TSKS: variants seen among roughly 807,000 people sequenced by gnomAD.
TSKS encodes testis specific serine kinase substrate, also known as testis-specific serine kinase substrate.
In TSKS, 27 loss-of-function variants were observed where a neutral mutation model predicts 68.0. The observed-to-expected ratio is 0.40, with a 90% confidence interval of 0.29 to 0.55. The LOEUF (loss-of-function observed/expected upper bound fraction) is 0.55, where lower values mean the gene tolerates loss of function less well. TSKS is among the 20% of genes least tolerant of loss of function. The pLI is 0.53. For synonymous variants in TSKS, 331 were observed against 340.4 expected, an observed-to-expected ratio of 0.97 and a Z score of 0.30; for missense variants, 806 against 776.0, an observed-to-expected ratio of 1.04 and a Z score of -0.46.
chr19:49,750,262 CTTTTTTT>C (rs34913477), intron 2 of TSKS, among the ~76,000 whole-genome samples: 1 of 136,222 alleles, frequency 7.3e-6, no homozygotes, highest in Non-Finnish European at 1.6e-5. Context: ...CATTGACATT[CTTTTTTT>C]TTTTTTTTTT....
At chr19:49,747,573 C>T in intron 4 of TSKS, 101 bp from the exon 5 acceptor site, 1 of 1,183,974 alleles carries the variant, frequency 8.4e-7, no homozygotes, top group Non-Finnish European at 1.2e-6. Context: ...CCTCCTAGCC[C>T]CCCAGTACAA....
rs745313484 is a variant in TSKS at position 49,763,224 on chromosome 19, C to G, written c.24G>C (p.Thr8=). MASVVVK[T]IWQSKEIHEA... ...CATGGATCTCTTTGGACTGCCAGAT[C>G]GTCTTCACCACCACGCTCGCCATGG... The change falls in exon 1 of 11, where the codon ACG becomes ACC. Residue 8 remains threonine, a synonymous_variant. Coordinates refer to ENST00000246801, the MANE Select transcript of TSKS (RefSeq NM_021733.2). The surrounding 1 kb of genome is among the most constrained non-coding windows in gnomAD (Gnocchi z 4.5). 6.6e-7 allele frequency: 1 copy of G among 1,519,270 alleles called. No homozygotes were observed. The highest frequency in any genetic ancestry group is 8.8e-7 in the Non-Finnish European group (1 of 1,134,746). The allele number at this position is 1,519,270 out of a possible 1,614,324, so 94.1% of individuals were successfully genotyped here. A position where few individuals can be genotyped will look rare whatever the true frequency, so the allele number is the denominator to read the frequency against.
chr19:49,748,538 C>A, intron 2 of TSKS, 69 bp from the exon 3 acceptor site: 1 of 1,468,552 alleles, frequency 6.8e-7, no homozygotes, highest in African/African-American at 1.4e-5. Flanking sequence ...AGGAAGAATT[C>A]CAGAACTGGG....
chr19:49,743,659 A>G (rs915720897), intron 8 of TSKS, among the ~76,000 whole-genome samples: 1 of 151,456 alleles, frequency 6.6e-6, no homozygotes, highest in Non-Finnish European at 1.5e-5. Flanking sequence ...CACCACGCCC[A>G]GCTAATTTTT....
At chr19:49,746,214 T>G (rs2084297852) in intron 6 of TSKS, among the ~76,000 whole-genome samples, 1 of 151,846 alleles carries the variant, frequency 6.6e-6, no homozygotes, top group Non-Finnish European at 1.5e-5. Flanking sequence ...AAACGATCTT[T>G]GAGGAACCTC....
rs375621649 is a variant in TSKS, at chr19:49,747,413, C to T, written c.639G>A (p.Leu213=). Residue 213 remains leucine (L), a synonymous_variant, in exon 5 of 11, where the codon TTG becomes TTA. Coordinates refer to ENST00000246801, the MANE Select transcript of TSKS (RefSeq NM_021733.2). ...CCTCCAGCAGGGCAGAATTCTGCTTCAAGACGTTGGTTTTGATTTCAGCAT... is the reference window on the plus strand; with the variant it reads ...CCTCCAGCAGGGCAGAATTCTGCTTTAAGACGTTGGTTTTGATTTCAGCAT... ...VEDAEIKTNV[L]KQNSALLEEK... The T allele has an allele frequency of 1.2e-6, 2 of 1,614,100 alleles. 1 individual carries two copies. The highest frequency in any genetic ancestry group is 2.7e-5 in the African/African-American group (2 of 74,946).
intron 2 of TSKS, among the ~76,000 whole-genome samples, chr19:49,759,885 G>A (rs2084426461): frequency 6.6e-6 from 1 of 152,000 alleles, no homozygotes; most frequent in Non-Finnish European, 1.5e-5. Flanking sequence ...CAGGTGCGGT[G>A]GTTCATGCCC....
In TSKS at chr19:49,746,750, G is replaced by A. The variant is rs1014143116; in HGVS notation, c.712C>T (p.Arg238Trp). 1.9e-6 allele frequency: 3 copies of A among 1,601,506 alleles called. No individual in the cohort carries two copies. The highest frequency in any genetic ancestry group is 1.7e-6 in the Non-Finnish European group (2 of 1,179,606). Residue 238 changes from arginine (R) to tryptophan (W), a missense_variant, in exon 6 of 11, where the codon CGG becomes TGG. By Grantham distance (101) the Arg-to-Trp change is moderately radical (BLOSUM62 -3). Coordinates refer to ENST00000246801, the MANE Select transcript of TSKS (RefSeq NM_021733.2). Reference protein sequence around the residue: ...QQQLQDETPRRQEAELQEPEE... With the variant: ...QQQLQDETPRWQEAELQEPEE... ...GGCTCCTGCAGCTCGGCCTCCTGCC[G>A]TCGCGGCGTCTCATCCTGCAGCTGC...
chr19:49,744,298 G>C lies in TSKS; in HGVS notation c.1294C>G (p.Arg432Gly), dbSNP rs772614763. 2 of 1,614,070 alleles carry C rather than the reference G, an allele frequency of 1.2e-6. No homozygotes were observed. The highest frequency in any genetic ancestry group is 2.2e-5 in the South Asian group (2 of 91,084). ...EEFGRQFQNSRRGPDLSMNLD... is the reference protein window; with the variant it reads ...EEFGRQFQNSGRGPDLSMNLD... ...TTCATGGAGAGGTCAGGCCCTCTTC[G>C]AGAGTTCTGAAATTGCCGCCCGAAC... The change falls in exon 8 of 11, where the codon CGA becomes GGA. Residue 432 changes from arginine to glycine, a missense_variant. Coordinates refer to ENST00000246801, the MANE Select transcript of TSKS (RefSeq NM_021733.2).
intron 8 of TSKS, among the ~76,000 whole-genome samples, chr19:49,742,751 C>A (rs534873447): frequency 1.6e-4 from 25 of 152,254 alleles, no homozygotes; most frequent in Middle Eastern, 3.4e-3. Context: ...TCCCACTTGG[C>A]CTCCCAAAGT....
intron 5 of TSKS, 93 bp downstream of exon 5, chr19:49,747,296 T>A (rs758598167): frequency 4.2e-5 from 68 of 1,605,716 alleles, no homozygotes; most frequent in Non-Finnish European, 5.5e-5. Flanking sequence ...GGTGGTGGTG[T>A]CGGGGCAGGG....
chr19:49,748,551 G>T, intron 2 of TSKS, 82 bp from the exon 3 acceptor site: 2 of 1,370,600 alleles, frequency 1.5e-6, no homozygotes, highest in Non-Finnish European at 2.0e-6. Flanking sequence ...GAACTGGGAG[G>T]CTGTGTTTAC....
chr19:49,745,396 C>A lies in TSKS; in HGVS notation c.993G>T (p.Arg331Ser). 6.5e-7 allele frequency: 1 copy of A among 1,547,154 alleles called. No homozygotes were observed. Among genetic ancestry groups the A allele is most frequent in the South Asian group, 1.2e-5 (1 of 85,444 alleles). ...GGGCGGTCAGTGAGGACACCTCTCT[C>A]CTGGAGGGGCAGAGGAGGGGAATGG... ...QKLFTGIEEL[R>S]REVSSLTARW... The change falls in exon 7 of 11, where the codon AGG becomes AGT. Residue 331 changes from arginine (R) to serine (S), a missense_variant and splice_region_variant. Transcript: ENST00000246801.
At chr19:49,749,622 G>C (rs1396737992) in intron 2 of TSKS, among the ~76,000 whole-genome samples, 1 of 151,974 alleles carries the variant, frequency 6.6e-6, no homozygotes, top group Admixed American at 6.6e-5. Context: ...ATTTATTTTT[G>C]GGGGAGGTGT....
chr19:49,745,371 G>T lies in TSKS; in HGVS notation c.1018C>A (p.Arg340=), dbSNP rs772943869. The T allele has an allele frequency of 1.3e-5, 21 of 1,580,420 alleles. 1 individual carries two copies. The South Asian group carries it at 2.4e-4, about 18-fold the overall frequency. Residue 340 remains arginine, a synonymous_variant, in exon 7 of 11, where the codon CGG becomes AGG. Transcript: ENST00000246801. ...LRREVSSLTA[R]WHQEEGAVQE... is the part of the protein sequence containing the mutation. ...ACCGCCCCCTCCTCCTGATGCCACCGGGCGGTCAGTGAGGACACCTCTCTC... is the reference window on the plus strand; with the variant it reads ...ACCGCCCCCTCCTCCTGATGCCACCTGGCGGTCAGTGAGGACACCTCTCTC...
Position 49,747,418 on chromosome 19 carries a change from C to T in TSKS, c.634G>A (p.Val212Ile), listed in dbSNP as rs1387115178. The T allele has an allele frequency of 2.5e-6, 4 of 1,614,216 alleles. No homozygotes were observed. The highest frequency in any genetic ancestry group is 3.4e-6 in the Non-Finnish European group (4 of 1,180,040). Residue 212 changes from valine to isoleucine, a missense_variant, in exon 5 of 11, where the codon GTC becomes ATC. Transcript: ENST00000246801. ...AGCAGGGCAGAATTCTGCTTCAAGA[C>T]GTTGGTTTTGATTTCAGCATCTTCC... Reference protein sequence around the residue: ...SVEDAEIKTNVLKQNSALLEE... With the variant: ...SVEDAEIKTNILKQNSALLEE...
intron 5 of TSKS, chr19:49,747,080 C>A (rs753673268): frequency 5.5e-6 from 8 of 1,459,882 alleles, no homozygotes; most frequent in Non-Finnish European, 7.4e-6. Context: ...TTGGCAAGAA[C>A]AACTGAAGCT....
At chr19:49,740,914 C>T (rs925748059) in intron 9 of TSKS, among the ~76,000 whole-genome samples, 7 of 150,348 alleles carry the variant, frequency 4.7e-5, no homozygotes, top group Non-Finnish European at 8.9e-5. Context: ...CGCAGTGGCT[C>T]ACGCCTGTAA....
At chr19:49,761,219 G>C (rs901890190) in intron 2 of TSKS, among the ~76,000 whole-genome samples, 1 of 152,218 alleles carries the variant, frequency 6.6e-6, no homozygotes, top group Non-Finnish European at 1.5e-5. Flanking sequence ...GCATCATTAA[G>C]ATCATGGCTA....
Sources: allele counts gnomAD v4.1 joint callset (sites outside exome capture counted in the v4.1 genomes callset), GRCh38; gene constraint gnomAD v4.1.1; non-coding constraint Gnocchi (gnomAD v3.1); transcripts MANE v1.5; gene names NCBI Gene and HGNC (gene_info 2026-07-23, HGNC 2026-07-21).